CLDN18: variants seen among roughly 807,000 people sequenced by gnomAD.
CLDN18 encodes claudin 18.
A neutral mutation model predicts 25.0 loss-of-function variants in CLDN18; 20 were observed. The observed-to-expected ratio is 0.80, with a 90% CI of 0.56 to 1.16. The LOEUF is 1.16. CLDN18 is among the 50% of genes most tolerant of loss of function. The probability of loss-of-function intolerance (pLI) is 0.00; values close to 1 mark genes in which losing one functional copy is unlikely to be tolerated. For synonymous variants in CLDN18, 125 were observed against 135.6 expected, an observed-to-expected ratio of 0.92 and a Z score of 0.54; for missense variants, 297 against 345.4, an observed-to-expected ratio of 0.86 and a Z score of 1.11.
chr3:138,030,806 G>A (rs2097726006), intron 4 of CLDN18, among the ~76,000 whole-genome samples, 164 bp from the exon 5 acceptor site: 1 of 152,204 alleles, frequency 6.6e-6, no homozygotes, highest in African/African-American at 2.4e-5. Flanking sequence ...TAAAACCAGT[G>A]TACCAAAAAC....
At chr3:138,027,049 T>G (rs75854499) in intron 3 of CLDN18, among the ~76,000 whole-genome samples, 160 of 152,260 alleles carry the variant, frequency 1.1e-3, no homozygotes, top group African/African-American at 3.7e-3. Context: ...CAGAAACGGT[T>G]AAAGGGTAGA....
chr3:138,022,929 A>G (rs533857638), intron 1 of CLDN18, among the ~76,000 whole-genome samples: 26 of 152,334 alleles, frequency 1.7e-4, no homozygotes, highest in South Asian at 1.4e-3. Context: ...ACAACTTTGG[A>G]TATATCTGGA....
intron 1 of CLDN18, among the ~76,000 whole-genome samples, chr3:138,002,050 T>C (rs1263840233): frequency 1.3e-5 from 2 of 152,146 alleles, no homozygotes; most frequent in Non-Finnish European, 2.9e-5. Flanking sequence ...TGTTCAACCT[T>C]GATATTAATG....
intron 1 of CLDN18, among the ~76,000 whole-genome samples, chr3:138,004,440 A>C (rs1047222597): frequency 2.0e-5 from 3 of 152,176 alleles, no homozygotes; most frequent in Admixed American, 6.5e-5. Context: ...GTATAAGAAG[A>C]AGCAGACAAA....
At chr3:138,024,117 C>T (rs1303891815) in intron 2 of CLDN18, among the ~76,000 whole-genome samples, 1 of 151,668 alleles carries the variant, frequency 6.6e-6, no homozygotes, top group Admixed American at 6.6e-5. Context: ...TCAAGACCAG[C>T]CTAGGCAGCA....
chr3:138,007,862 T>C (rs3755753), upstream of CLDN18, among the ~76,000 whole-genome samples: 117,714 of 152,056 alleles, frequency 0.77, 45,810 homozygotes, highest in African/African-American at 0.82. Flanking sequence ...TTCTAACTGT[T>C]CCCTTCCCTC....
At chr3:138,003,643 G>A (rs1024886246) in intron 1 of CLDN18, among the ~76,000 whole-genome samples, 3 of 151,984 alleles carry the variant, frequency 2.0e-5, no homozygotes, top group East Asian at 3.8e-4. Context: ...TAAAGATTTC[G>A]TGGAAATATA....
intron 3 of CLDN18, among the ~76,000 whole-genome samples, chr3:138,026,548 G>A (rs1469054593): frequency 1.3e-5 from 2 of 152,116 alleles, no homozygotes; most frequent in African/African-American, 4.8e-5. Context: ...GGGAGACTGA[G>A]GCAGGAGAAT....
chr3:138,016,782 G>T (rs1942209810), intron 1 of CLDN18, among the ~76,000 whole-genome samples: 1 of 152,106 alleles, frequency 6.6e-6, no homozygotes, highest in South Asian at 2.1e-4. Flanking sequence ...GGCCGGGCTT[G>T]GTGGCTCACT....
upstream of CLDN18, chr3:138,010,052 C>T (rs1942113608): frequency 2.3e-5 from 25 of 1,078,356 alleles, 1 homozygote; most frequent in Middle Eastern, 6.2e-4. Flanking sequence ...AAAAATAATG[C>T]CCTTGAACCA....
rs145987155 is a variant in CLDN18 at position 138,010,420 on chromosome 3, C to G, written c.195C>G (p.Pro65=). ...RQSSGFTECR[P]YFTILGLPAM... ...GTTCAGGCTTCACCGAATGCAGGCC[C>G]TATTTCACCATCCTGGGACTTCCAG... Residue 65 remains proline, a synonymous_variant, in exon 1 of 5, where the codon CCC becomes CCG. Transcript: ENST00000183605. The G allele has an allele frequency of 3.3e-5, 53 of 1,614,092 alleles. No individual in the cohort carries two copies. Among genetic ancestry groups the G allele is most frequent in the Non-Finnish European group, 4.4e-5 (52 of 1,180,026 alleles).
chr3:137,999,651 C>T (rs1268753297), intron 1 of CLDN18, among the ~76,000 whole-genome samples: 1 of 152,202 alleles, frequency 6.6e-6, no homozygotes, highest in Non-Finnish European at 1.5e-5. Context: ...GGTTCCCGAT[C>T]TCCAGAAAAT....
intron 3 of CLDN18, among the ~76,000 whole-genome samples, chr3:138,026,443 C>T (rs561397117): frequency 1.3e-5 from 2 of 152,188 alleles, no homozygotes; most frequent in Admixed American, 6.5e-5. Context: ...GTCAGGAGTT[C>T]GAGACCAGCC....
chr3:138,009,503 G>A (rs528344868), upstream of CLDN18, among the ~76,000 whole-genome samples: 2 of 152,234 alleles, frequency 1.3e-5, no homozygotes, highest in South Asian at 4.1e-4. Context: ...CTCAAAAGTG[G>A]GGACAATTTT....
At chr3:138,027,807 G>A (rs145052037) in intron 3 of CLDN18, among the ~76,000 whole-genome samples, 1,633 of 152,268 alleles carry the variant, frequency 0.011, 16 homozygotes, top group Non-Finnish European at 0.017. Flanking sequence ...ATCACCTAGG[G>A]ACCCCCTAGG....
chr3:138,023,591 C>G, intron 1 of CLDN18, 67 bp from the exon 2 acceptor site: 1 of 1,516,920 alleles, frequency 6.6e-7, no homozygotes, highest in Admixed American at 1.8e-5. Context: ...TTTATTAAAC[C>G]ACAGCCTAAT....
chr3:138,002,175 T>C (rs1942025785), intron 1 of CLDN18, among the ~76,000 whole-genome samples: 1 of 152,104 alleles, frequency 6.6e-6, no homozygotes, highest in South Asian at 2.1e-4. Flanking sequence ...ATGTCTGGGG[T>C]AGTGAGGTGT....
At chr3:138,023,882 G>A in intron 2 of CLDN18, 60 bp downstream of exon 2, 1 of 1,527,508 alleles carries the variant, frequency 6.5e-7, no homozygotes, top group Non-Finnish European at 8.9e-7. Flanking sequence ...TATTCTGGTA[G>A]AGAAAACATG....
intron 1 of CLDN18, among the ~76,000 whole-genome samples, chr3:138,015,023 A>T (rs2107881093): frequency 1.3e-5 from 2 of 152,270 alleles, no homozygotes; most frequent in South Asian, 4.2e-4. Context: ...AATCCCAGCT[A>T]CTCAGGAGGC....
Sources: allele counts gnomAD v4.1 joint callset (sites outside exome capture counted in the v4.1 genomes callset), GRCh38; gene constraint gnomAD v4.1.1; transcripts MANE v1.5; gene names NCBI Gene and HGNC (gene_info 2026-07-23, HGNC 2026-07-21).